GDPD5: variants seen among roughly 807,000 people sequenced by gnomAD.
GDPD5 encodes glycerophosphodiester phosphodiesterase 2.
A neutral mutation model predicts 75.1 loss-of-function variants in GDPD5; 48 were observed. The observed-to-expected ratio is 0.64, with a 90% CI of 0.51 to 0.81. The LOEUF is 0.81. GDPD5 is among the 40% of genes least tolerant of loss of function. GDPD5 has a pLI of 0.00. For synonymous variants in GDPD5, 336 were observed against 339.0 expected, an observed-to-expected ratio of 0.99 and a Z score of 0.10; for missense variants, 706 against 822.6, an observed-to-expected ratio of 0.86 and a Z score of 1.73.
At chr11:75,466,487 G>A (rs1305128437) in intron 3 of GDPD5, among the ~76,000 whole-genome samples, 2 of 152,102 alleles carry the variant, frequency 1.3e-5, no homozygotes, top group Non-Finnish European at 1.5e-5. Context: ...AGGCCTGCCC[G>A]CTCCACCCAT....
rs1472282475 is a variant in GDPD5, at chr11:75,462,815, T to C, written c.192A>G (p.Glu64=). The C allele has an allele frequency of 6.2e-7, 1 of 1,613,342 alleles. No individual in the cohort carries two copies. The highest frequency in any genetic ancestry group is 1.7e-5 in the Admixed American group (1 of 59,988). Residue 64 remains glutamate, a synonymous_variant, in exon 4 of 17, where the codon GAA becomes GAG. Coordinates refer to ENST00000336898, the MANE Select transcript of GDPD5 (RefSeq NM_030792.8). ...TGAATTCATCATAGTCATTGTGGAC[T>C]TCCCACCAGAAGTAAAGCCAGGTGA... ...LTLTWLYFWW[E]VHNDYDEFNW... is the part of the protein sequence containing the mutation.
intron 6 of GDPD5, among the ~76,000 whole-genome samples, chr11:75,455,901 G>GT (rs1949274390): frequency 1.3e-5 from 2 of 152,262 alleles, no homozygotes; most frequent in Non-Finnish European, 2.9e-5. Context: ...CTGAGGGGGG[G>GT]CACTGGGAAC....
At chr11:75,457,005 C>T (rs533740123) in intron 5 of GDPD5, among the ~76,000 whole-genome samples, 189 bp from the exon 6 acceptor site, 2 of 152,370 alleles carry the variant, frequency 1.3e-5, no homozygotes, top group African/African-American at 2.4e-5. Context: ...TGAGCCTGGC[C>T]TCCTCCCAGA....
chr11:75,489,759 A>C (rs1408267052), intron 2 of GDPD5, among the ~76,000 whole-genome samples: 1 of 147,032 alleles, frequency 6.8e-6, no homozygotes, highest in Non-Finnish European at 1.5e-5. Context: ...TTTTTTTTAG[A>C]GACACAGTCT....
chr11:75,497,428 C>G (rs772748033), intron 1 of GDPD5, among the ~76,000 whole-genome samples: 1 of 152,166 alleles, frequency 6.6e-6, no homozygotes, highest in African/African-American at 2.4e-5. Flanking sequence ...AGTGAACAAA[C>G]TTGTTTTCCT....
intron 9 of GDPD5, among the ~76,000 whole-genome samples, chr11:75,445,111 T>C (rs775617233): frequency 6.6e-6 from 1 of 152,154 alleles, no homozygotes; most frequent in Non-Finnish European, 1.5e-5. Flanking sequence ...ACACAGTAAG[T>C]GCTTAATAAA....
chr11:75,482,539 G>A (rs1949941816), intron 2 of GDPD5, among the ~76,000 whole-genome samples: 1 of 152,058 alleles, frequency 6.6e-6, no homozygotes, highest in African/African-American at 2.4e-5. Context: ...CATCCCCACA[G>A]CCACTCCCCT....
At chr11:75,463,003 G>T in intron 3 of GDPD5, 114 bp from the exon 4 acceptor site, 1 of 794,340 alleles carries the variant, frequency 1.3e-6, no homozygotes, top group Non-Finnish European at 2.1e-6. Context: ...TGCCAGGCAG[G>T]AATTCCTGCC....
chr11:75,515,576 C>T (rs1459132910), intron 1 of GDPD5, among the ~76,000 whole-genome samples: 1 of 152,234 alleles, frequency 6.6e-6, no homozygotes, highest in Non-Finnish European at 1.5e-5. Flanking sequence ...ACACCCTGGA[C>T]ATGAGGAACA....
intron 15 of GDPD5, chr11:75,437,922 C>T (rs1592049617): frequency 6.6e-6 from 1 of 152,208 alleles, no homozygotes; most frequent in East Asian, 1.9e-4. Flanking sequence ...CTGTCCCCAC[C>T]AGGAGGAGGG....
chr11:75,517,541 C>T (rs1950665483), intron 1 of GDPD5: 2 of 152,138 alleles, frequency 1.3e-5, no homozygotes, highest in African/African-American at 4.8e-5. Flanking sequence ...AGCCAGCAGC[C>T]ACTGGACTCT....
chr11:75,482,254 C>T (rs1345781788), intron 2 of GDPD5, among the ~76,000 whole-genome samples: 4 of 152,148 alleles, frequency 2.6e-5, no homozygotes, highest in African/African-American at 9.7e-5. Flanking sequence ...CTCAGAGTCT[C>T]CTCTCCCCCT....
At chr11:75,462,945 G>A in intron 3 of GDPD5, 56 bp from the exon 4 acceptor site, 1 of 1,405,284 alleles carries the variant, frequency 7.1e-7, no homozygotes, top group Non-Finnish European at 9.9e-7. Flanking sequence ...CCCTTAGGCT[G>A]CCTCCCACCA....
In GDPD5 at chr11:75,441,636, G is replaced by A; in HGVS notation, c.1325+10C>T. The A allele has an allele frequency of 6.4e-7, 1 of 1,559,396 alleles. No homozygotes were observed. The highest frequency in any genetic ancestry group is 8.7e-7 in the Non-Finnish European group (1 of 1,154,264). ...CCCTCTCCTGGAGGAGCCCAGGGCA[G>A]GGCAGGCACCTGAGCTCCTGGCGGG... On this transcript the variant is annotated intron_variant, in intron 13 of 16. Transcript: ENST00000336898.
chr11:75,501,135 G>A (rs1258961495), intron 1 of GDPD5, among the ~76,000 whole-genome samples: 1 of 152,198 alleles, frequency 6.6e-6, no homozygotes, highest in Non-Finnish European at 1.5e-5. Flanking sequence ...TCAAATCTGG[G>A]AACTTGTATT....
chr11:75,441,431 G>A (rs1948798807), intron 13 of GDPD5, 121 bp from the exon 14 acceptor site: 10 of 1,308,214 alleles, frequency 7.6e-6, no homozygotes, highest in Non-Finnish European at 1.1e-5. Flanking sequence ...AAGGAACATT[G>A]GCTCCAGAGG....
intron 3 of GDPD5, among the ~76,000 whole-genome samples, chr11:75,468,920 T>C (rs1033725543): frequency 6.6e-6 from 1 of 152,228 alleles, no homozygotes; most frequent in African/African-American, 2.4e-5. Flanking sequence ...GTTCACAGAA[T>C]GACATCACCA....
At chr11:75,448,842 G>A in intron 9 of GDPD5, 135 bp downstream of exon 9, 1 of 1,208,652 alleles carries the variant, frequency 8.3e-7, no homozygotes, top group Non-Finnish European at 1.1e-6. Context: ...CGGCCTTTTT[G>A]CCAGTCCTTC....
Position 75,435,416 on chromosome 11 carries a change from C to T in GDPD5, c.*91G>A. The T allele has an allele frequency of 7.8e-7, 1 of 1,285,906 alleles. No homozygotes were observed. The highest frequency in any genetic ancestry group is 1.1e-6 in the Non-Finnish European group (1 of 949,290). 79.7% of individuals were successfully genotyped at this position (1,285,906 alleles called of 1,614,324 possible). A position where few individuals can be genotyped will look rare whatever the true frequency, so the allele number is the denominator to read the frequency against. Reference sequence around the variant, plus strand: ...ACAAGGAGGCTGTGGAGCCCGCTCCCAGAGCACTCCGAGTTCAGACACACT... The same window carrying T: ...ACAAGGAGGCTGTGGAGCCCGCTCCTAGAGCACTCCGAGTTCAGACACACT... On this transcript the variant is annotated 3_prime_UTR_variant, in exon 17 of 17. Transcript: ENST00000336898.
Sources: allele counts gnomAD v4.1 joint callset (sites outside exome capture counted in the v4.1 genomes callset), GRCh38; gene constraint gnomAD v4.1.1; transcripts MANE v1.5; gene names NCBI Gene and HGNC (gene_info 2026-07-23, HGNC 2026-07-21).